The following CHD7 variants were observed in gnomAD, a reference collection of about 807,000 sequenced individuals.
The protein encoded by CHD7 is chromodomain helicase DNA binding protein 7.
CHD7 carries 24 observed loss-of-function variants against 307.3 expected under a neutral mutation model. The ratio of observed to expected loss-of-function variants is 0.08; its 90% CI spans 0.06 to 0.11. The LOEUF (loss-of-function observed/expected upper bound fraction) is 0.11. Ranked by LOEUF, CHD7 falls within the 10% of genes least tolerant of loss-of-function variation. The probability of loss-of-function intolerance (pLI) is 1.00; values close to 1 mark genes in which losing one functional copy is unlikely to be tolerated. For synonymous variants in CHD7, 1,363 were observed against 1,349.9 expected, an observed-to-expected ratio of 1.01 and a Z score of -0.21; for missense variants, 3,106 against 3,727.1, an observed-to-expected ratio of 0.83 and a Z score of 4.34.
intron 3 of CHD7, among the ~76,000 whole-genome samples, chr8:60,788,860 G>A (rs1471667059): frequency 6.6e-6 from 1 of 152,112 alleles, no homozygotes; most frequent in Non-Finnish European, 1.5e-5. Context: ...TCTGTTGTCC[G>A]CGTTTTATTA....
At chr8:60,776,680 C>A (rs1810969958) in intron 2 of CHD7, among the ~76,000 whole-genome samples, 1 of 152,164 alleles carries the variant, frequency 6.6e-6, no homozygotes, top group Non-Finnish European at 1.5e-5. Context: ...ATACCAAATG[C>A]ATCTTCTTTT....
chr8:60,734,886 T>C (rs1808625328), intron 1 of CHD7, among the ~76,000 whole-genome samples: 1 of 152,234 alleles, frequency 6.6e-6, no homozygotes, highest in Non-Finnish European at 1.5e-5. Context: ...ATCTGTGTTT[T>C]ATAAGATCAT....
rs1805430568 is a variant in CHD7 at position 60,851,034 on chromosome 8, G to A, written c.5537G>A (p.Gly1846Glu). 6.4e-7 allele frequency: 1 copy of A among 1,561,380 alleles called. No homozygotes were observed. Among genetic ancestry groups the A allele is most frequent in the Non-Finnish European group, 8.7e-7 (1 of 1,152,606 alleles). The change falls in exon 27 of 38, where the codon GGA becomes GAA. Residue 1846 changes from glycine to glutamate, a missense_variant and splice_region_variant. This residue lies in a region of CHD7 where 1,030 missense variants were observed against 1,165.4 expected (regional missense o/e 0.88). Coordinates refer to ENST00000423902, the MANE Select transcript of CHD7 (RefSeq NM_017780.4). ...ATTTTTGTGTTTGTTTTACATAGGG[G>A]AGAATTTGATAGAGAAGATGAAGAC... ...TDMLADGGDG[G>E]EFDREDEDPE... is the part of the protein sequence containing the mutation.
chr8:60,826,743 C>T (rs868003853), intron 13 of CHD7, among the ~76,000 whole-genome samples: 13 of 152,194 alleles, frequency 8.5e-5, no homozygotes, highest in East Asian at 5.8e-4. Context: ...GCAACCATCT[C>T]GTTGTCCCCC....
intron 1 of CHD7, among the ~76,000 whole-genome samples, chr8:60,731,502 C>G (rs1048718433): frequency 2.0e-5 from 3 of 152,130 alleles, no homozygotes; most frequent in Non-Finnish European, 2.9e-5. Context: ...TGAGTGTCCA[C>G]TAGAGGTCTT....
intron 1 of CHD7, among the ~76,000 whole-genome samples, chr8:60,727,750 C>T (rs955436541): frequency 3.3e-5 from 5 of 152,200 alleles, no homozygotes; most frequent in African/African-American, 1.2e-4. Context: ...ACGGCCATAT[C>T]TCAGCTCAGC....
In CHD7 at chr8:60,865,255, C is replaced by T. The variant is rs747834653; in HGVS notation, c.8316C>T (p.Leu2772=). The T allele has an allele frequency of 1.2e-6, 2 of 1,607,164 alleles. No individual in the cohort carries two copies. Among genetic ancestry groups the T allele is most frequent in the Non-Finnish European group, 1.7e-6 (2 of 1,176,870 alleles). ...TCCAGTCGCTCCAGCTGGCAGGCCT[C>T]ATGGGCTTCCCTCCAGGACTGGCAA... ...QNLQSLQLAG[L]MGFPPGLATA... The change falls in exon 38 of 38, where the codon CTC becomes CTT. Residue 2772 remains leucine, a synonymous_variant. Transcript: ENST00000423902. This position sits in a 1 kb window ranked among gnomAD's most constrained non-coding sequence, Gnocchi z 4.3.
intron 23 of CHD7, among the ~76,000 whole-genome samples, chr8:60,846,799 A>C (rs1805228336): frequency 6.6e-6 from 1 of 152,242 alleles, no homozygotes; most frequent in Non-Finnish European, 1.5e-5. Context: ...ACTGAGACTA[A>C]AGTTGAGTAA....
chr8:60,853,091 A>G lies in CHD7; in HGVS notation c.6366A>G (p.Leu2122=). ...ATCACATCCTCAATGACCCTGAGTT[A>G]TCCTTCTTGGATGCACATAAAAACT... The part of the protein sequence containing the change: ...TDYHILNDPE[L]SFLDAHKNFA... Residue 2122 remains leucine, a synonymous_variant, in exon 31 of 38, where the codon TTA becomes TTG. Transcript: ENST00000423902. The G allele has an allele frequency of 6.2e-7, 1 of 1,614,008 alleles. No individual in the cohort carries two copies. Among genetic ancestry groups the G allele is most frequent in the Admixed American group, 1.7e-5 (1 of 60,018 alleles).
intron 18 of CHD7, 83 bp downstream of exon 18, chr8:60,837,918 G>C: frequency 7.2e-7 from 1 of 1,380,472 alleles, no homozygotes; most frequent in Middle Eastern, 1.9e-4. Flanking sequence ...CTCAGCCTTT[G>C]ATTATTTTTC....
chr8:60,759,760 G>A (rs1810082843), intron 2 of CHD7, among the ~76,000 whole-genome samples: 2 of 152,124 alleles, frequency 1.3e-5, no homozygotes, highest in Non-Finnish European at 2.9e-5. Context: ...TGAAAATCAT[G>A]TGTTAAATAA....
intron 37 of CHD7, 142 bp downstream of exon 37, chr8:60,862,794 C>T: frequency 1.7e-6 from 1 of 603,836 alleles, no homozygotes; most frequent in South Asian, 2.0e-5. Flanking sequence ...TTTCATACAT[C>T]ATTTCATACA....
intron 21 of CHD7, among the ~76,000 whole-genome samples, chr8:60,842,496 G>T (rs1203630169): frequency 2.0e-5 from 3 of 152,148 alleles, no homozygotes; most frequent in African/African-American, 4.8e-5. Context: ...AACATGAATG[G>T]TCATTTGAAC....
In CHD7 at chr8:60,698,476, G is replaced by T. The variant is rs545127725; in HGVS notation, c.-175+19394G>T. ...ATTAGAGGTTGGAGGAGGTAATATG[G>T]CATAAAGGTTAGAGGCAAGGGCTCT... On this transcript the variant is annotated intron_variant, in intron 1 of 37. Coordinates refer to ENST00000423902, the MANE Select transcript of CHD7 (RefSeq NM_017780.4). 4.6e-5 allele frequency among the ~76,000 whole-genome samples: 7 copies of T among 152,306 alleles called. No individual in the cohort carries two copies. The East Asian group carries it at 1.3e-3, about 29-fold the overall frequency.
At chr8:60,840,358 C>T (rs532863139) in intron 19 of CHD7, among the ~76,000 whole-genome samples, 1 of 152,274 alleles carries the variant, frequency 6.6e-6, no homozygotes, top group African/African-American at 2.4e-5. Flanking sequence ...AACTTATCAC[C>T]CCTGTCTCTC....
intron 17 of CHD7, 127 bp downstream of exon 17, chr8:60,837,139 G>A: frequency 4.2e-6 from 3 of 709,844 alleles, no homozygotes; most frequent in Non-Finnish European, 4.5e-6. Flanking sequence ...ATGATTCAGA[G>A]CAAATAACCA....
chr8:60,813,320 C>T (rs1812898091), intron 7 of CHD7, among the ~76,000 whole-genome samples: 1 of 152,096 alleles, frequency 6.6e-6, no homozygotes, highest in Admixed American at 6.5e-5. Flanking sequence ...CTAGGGTTCT[C>T]CAGGTACCTG....
rs903300478 is a variant in CHD7, at chr8:60,702,179, G to T, written c.-175+23097G>T. On this transcript the variant is annotated intron_variant, in intron 1 of 37. Transcript: ENST00000423902. ...TGAGGATTATATGGGGGCAGGTGGT[G>T]TGTGGGTGGGTGAGAGGGTGTATGA... is the stretch of plus-strand genomic sequence containing the variant. Among the ~76,000 whole-genome samples, 3 of 152,208 alleles carry T rather than the reference G, an allele frequency of 2.0e-5. No homozygotes were observed. The East Asian group carries it at 5.8e-4, about 29-fold the overall frequency.
At chr8:60,709,872 G>A (rs933178646) in intron 1 of CHD7, among the ~76,000 whole-genome samples, 6 of 152,134 alleles carry the variant, frequency 3.9e-5, no homozygotes, top group Admixed American at 6.5e-5. Flanking sequence ...CTCCTACAGA[G>A]TTTAAAATGT....
Sources: allele counts gnomAD v4.1 joint callset (sites outside exome capture counted in the v4.1 genomes callset), GRCh38; gene constraint gnomAD v4.1.1; regional missense constraint gnomAD v4.1.1; non-coding constraint Gnocchi (gnomAD v3.1); transcripts MANE v1.5; gene names NCBI Gene and HGNC (gene_info 2026-07-23, HGNC 2026-07-21).